OLA1: variants seen among roughly 807,000 people sequenced by gnomAD.
OLA1 encodes the protein obg-like ATPase 1.
A neutral mutation model predicts 48.4 loss-of-function variants in OLA1; 14 were observed. The observed-to-expected ratio is 0.29, with a 90% CI of 0.19 to 0.45. The LOEUF (loss-of-function observed/expected upper bound fraction) is 0.45. Among genes scored for constraint, OLA1 ranks in the 20% least tolerant of loss-of-function variants. The pLI is 1.00. For synonymous variants in OLA1, 127 were observed against 150.4 expected (o/e 0.84, Z 1.14); for missense variants, 325 against 467.1 (o/e 0.70, Z 2.80).
intron 9 of OLA1, 112 bp downstream of exon 9, chr2:174,081,040 C>T (rs1684842125): frequency 1.2e-6 from 1 of 828,300 alleles, no homozygotes; most frequent in Non-Finnish European, 2.0e-6. Flanking sequence ...ACAAAAACCT[C>T]ATCTGTAATG....
Position 174,075,099 on chromosome 2 carries a change from CCTCA to C in OLA1, c.*323_*326del, listed in dbSNP as rs1684697520. 1 of 251,278 alleles carries C rather than the reference CCTCA, an allele frequency of 4.0e-6. No homozygotes were observed. The highest frequency in any genetic ancestry group is 7.7e-6 in the Non-Finnish European group (1 of 129,504). The allele number at this position is 251,278 out of a possible 1,614,324, so 15.6% of individuals were successfully genotyped here. On this transcript the variant is annotated 3_prime_UTR_variant, in exon 11 of 11. Coordinates refer to ENST00000284719, the MANE Select transcript of OLA1 (RefSeq NM_013341.5). ...TTCAAAAAGGAGCAAGCCACATTGT[CCTCA>C]CTGTCAAATGTGTCAGGCTTGGCAT...
At chr2:174,168,549 C>G (rs1325169839) in intron 4 of OLA1, among the ~76,000 whole-genome samples, 1 of 152,058 alleles carries the variant, frequency 6.6e-6, no homozygotes, top group African/African-American at 2.4e-5. Flanking sequence ...TTGAGATTAT[C>G]CAGATGCTGA....
chr2:174,216,446 T>C (rs1391110656), intron 4 of OLA1, among the ~76,000 whole-genome samples: 2 of 152,222 alleles, frequency 1.3e-5, no homozygotes, highest in East Asian at 1.9e-4. Context: ...ATATGGACTA[T>C]AGACTGAGGT....
chr2:174,182,480 C>T (rs1481249693), intron 4 of OLA1, among the ~76,000 whole-genome samples: 2 of 151,932 alleles, frequency 1.3e-5, no homozygotes, highest in Admixed American at 6.6e-5. Flanking sequence ...GAGCCGAGAT[C>T]GTGCCATTGC....
intron 7 of OLA1, among the ~76,000 whole-genome samples, chr2:174,119,706 G>A (rs1685866302): frequency 2.0e-5 from 3 of 152,078 alleles, no homozygotes; most frequent in African/African-American, 7.2e-5. Context: ...TGGGAAAGGG[G>A]AAGGAACTGA....
At chr2:174,093,236 C>A (rs972748473) in intron 7 of OLA1, among the ~76,000 whole-genome samples, 1 of 152,068 alleles carries the variant, frequency 6.6e-6, no homozygotes, top group Non-Finnish European at 1.5e-5. Context: ...GGCTTGGGCC[C>A]AGGAATTCAA....
At chr2:174,184,970 G>A (rs1687621343) in intron 4 of OLA1, among the ~76,000 whole-genome samples, 1 of 152,202 alleles carries the variant, frequency 6.6e-6, no homozygotes, top group South Asian at 2.1e-4. Flanking sequence ...TAAGGCTATG[G>A]AAGTGAAAGG....
intron 2 of OLA1, among the ~76,000 whole-genome samples, chr2:174,243,131 C>T (rs565281947): frequency 1.4e-4 from 22 of 152,292 alleles, no homozygotes; most frequent in African/African-American, 4.3e-4. Flanking sequence ...GCCTCAGCCT[C>T]CTGAGTAGCT....
At chr2:174,127,741 A>G (rs1003802433) in intron 5 of OLA1, among the ~76,000 whole-genome samples, 1 of 152,172 alleles carries the variant, frequency 6.6e-6, no homozygotes. Context: ...ACAACAGTTA[A>G]TTAAGTAAAT....
chr2:174,105,517 T>C (rs1301198736), intron 7 of OLA1, among the ~76,000 whole-genome samples: 1 of 152,000 alleles, frequency 6.6e-6, no homozygotes. Context: ...AATTCTTCAA[T>C]GTTCTGTTTT....
chr2:174,166,668 T>C (rs1188843781), intron 4 of OLA1, among the ~76,000 whole-genome samples: 3 of 152,224 alleles, frequency 2.0e-5, no homozygotes, highest in African/African-American at 7.2e-5. Context: ...TATATGATTT[T>C]AAATATCTAC....
intron 3 of OLA1, 47 bp from the exon 4 acceptor site, chr2:174,223,207 A>T: frequency 6.5e-7 from 1 of 1,541,016 alleles, no homozygotes; most frequent in East Asian, 2.3e-5. Flanking sequence ...CTAAAAACTT[A>T]TCTATCAACC....
chr2:174,147,569 G>C (rs1686639062), intron 4 of OLA1, among the ~76,000 whole-genome samples: 1 of 152,080 alleles, frequency 6.6e-6, no homozygotes, highest in African/African-American at 2.4e-5. Context: ...AATTTCTTCT[G>C]TATTATTTCT....
intron 5 of OLA1, among the ~76,000 whole-genome samples, chr2:174,133,412 G>A (rs953737132): frequency 6.6e-6 from 1 of 152,192 alleles, no homozygotes; most frequent in Non-Finnish European, 1.5e-5. Flanking sequence ...CCAGGCTGGA[G>A]TGCAGTGGCG....
In OLA1 at chr2:174,075,263, G is replaced by GGC. The variant is rs1684707794; in HGVS notation, c.*162_*163insGC. The GGC allele has an allele frequency of 1.9e-6, 1 of 522,314 alleles. No individual in the cohort carries two copies. The highest frequency in any genetic ancestry group is 2.1e-5 in the African/African-American group (1 of 48,378). The allele number at this position is 522,314 out of a possible 1,614,324, so 32.4% of individuals were successfully genotyped here. On this transcript the variant is annotated 3_prime_UTR_variant, in exon 11 of 11. Coordinates refer to ENST00000284719, the MANE Select transcript of OLA1 (RefSeq NM_013341.5). ...TGAACCTGCATTTCATGGGGGGGGG[G>GGC]GGGTACACAGTATTTTAATTTTAAA...
chr2:174,159,153 G>A (rs1352531656), intron 4 of OLA1, among the ~76,000 whole-genome samples: 1 of 152,084 alleles, frequency 6.6e-6, no homozygotes, highest in East Asian at 1.9e-4. Flanking sequence ...TCACTTACAA[G>A]AAATGGAAAG....
intron 4 of OLA1, among the ~76,000 whole-genome samples, chr2:174,202,066 C>G (rs572846677): frequency 6.6e-6 from 1 of 151,650 alleles, no homozygotes; most frequent in Non-Finnish European, 1.5e-5. Context: ...ACAGATAAAC[C>G]GGGTAACCTA....
At position 174,073,357 on chromosome 2, in the gene OLA1, ATATT is replaced by A. The variant is rs946942881; in HGVS notation, c.*2065_*2068del. ...GATGGAGCTACAGATACATGCAAAA[ATATT>A]TACATAACATCCTAAAATATATTAA... is the stretch of plus-strand genomic sequence containing the variant. On this transcript the variant is annotated 3_prime_UTR_variant, in exon 11 of 11. Coordinates refer to ENST00000284719, the MANE Select transcript of OLA1 (RefSeq NM_013341.5). 6.6e-6 allele frequency: 1 copy of A among 152,176 alleles called. No individual in the cohort carries two copies. The allele number at this position is 152,176 out of a possible 1,614,324, so 9.4% of individuals were successfully genotyped here.
chr2:174,225,842 T>C (rs1330298606), intron 3 of OLA1, among the ~76,000 whole-genome samples: 2 of 152,178 alleles, frequency 1.3e-5, no homozygotes, highest in Non-Finnish European at 2.9e-5. Flanking sequence ...TTCACGTTTC[T>C]TTTTATGAGG....
Sources: gnomAD v4.1 joint callset for allele counts (sites outside exome capture counted in the v4.1 genomes callset) on GRCh38, gnomAD v4.1.1 for gene constraint, MANE v1.5 for transcripts, NCBI Gene and HGNC (gene_info 2026-07-23, HGNC 2026-07-21) for gene names.